The following TNS3 variants were observed in gnomAD, a reference collection of about 807,000 sequenced individuals.
TNS3 encodes the protein tensin-3.
TNS3 carries 45 observed loss-of-function variants against 140.9 expected under a neutral mutation model. The observed-to-expected ratio is 0.32, with a 90% CI of 0.25 to 0.41. The LOEUF (loss-of-function observed/expected upper bound fraction) is 0.41, where lower values mean the gene tolerates loss of function less well. TNS3 is among the 10% of genes least tolerant of loss of function. The probability of loss-of-function intolerance (pLI) is 1.00; values close to 1 mark genes in which losing one functional copy is unlikely to be tolerated. For synonymous variants in TNS3, 815 were observed against 788.4 expected (o/e 1.03, Z -0.56); for missense variants, 1,716 against 1,906.7 (o/e 0.90, Z 1.86).
At chr7:47,558,876 T>G (rs563080279) in intron 1 of TNS3, among the ~76,000 whole-genome samples, 3 of 152,206 alleles carry the variant, frequency 2.0e-5, no homozygotes, top group Non-Finnish European at 4.4e-5. Flanking sequence ...AAGCTTTGCA[T>G]GACCCCCTCG....
At chr7:47,555,426 C>G (rs1800171150) in intron 1 of TNS3, among the ~76,000 whole-genome samples, 1 of 150,080 alleles carries the variant, frequency 6.7e-6, no homozygotes, top group Non-Finnish European at 1.5e-5. Flanking sequence ...AAGAAAGTTA[C>G]ACAAATGTAA....
At position 47,346,412 on chromosome 7, in the gene TNS3, G is replaced by C. The variant is rs555622343; in HGVS notation, c.2282-56C>G. ...GCGCTTCCTCAAGGCGGAGTGAGGC[G>C]CCCCTTCCTTAAATCTTGCCTGCTG... On this transcript the variant is annotated intron_variant, in intron 17 of 30. Transcript: ENST00000311160. 12 of 1,593,426 alleles carry C rather than the reference G, an allele frequency of 7.5e-6. No individual in the cohort carries two copies. In the South Asian group the frequency reaches 1.3e-4, roughly 18 times the overall value.
intron 3 of TNS3, among the ~76,000 whole-genome samples, chr7:47,492,526 C>T (rs1037875898): frequency 1.3e-5 from 2 of 152,232 alleles, no homozygotes; most frequent in Non-Finnish European, 2.9e-5. Context: ...GGAAAACCAC[C>T]TGCCCACCTC....
At chr7:47,420,676 T>C (rs1794328688) in intron 10 of TNS3, among the ~76,000 whole-genome samples, 1 of 152,168 alleles carries the variant, frequency 6.6e-6, no homozygotes, top group Admixed American at 6.5e-5. Context: ...CACTTGACCT[T>C]CATGTGCCCG....
At chr7:47,476,458 G>A (rs970540542) in intron 4 of TNS3, among the ~76,000 whole-genome samples, 14 of 152,192 alleles carry the variant, frequency 9.2e-5, no homozygotes, top group African/African-American at 3.4e-4. Flanking sequence ...GTAGTTACCT[G>A]AACAATGGTG....
intron 1 of TNS3, among the ~76,000 whole-genome samples, chr7:47,531,414 A>T (rs1799399682): frequency 1.3e-5 from 2 of 152,354 alleles, no homozygotes; most frequent in South Asian, 4.1e-4. Flanking sequence ...CCCAAAAAAA[A>T]TCATCACCAG....
chr7:47,312,469 G>A (rs899741225), intron 20 of TNS3, among the ~76,000 whole-genome samples: 2 of 151,816 alleles, frequency 1.3e-5, no homozygotes, highest in African/African-American at 2.4e-5. Flanking sequence ...TTTGGGAGGC[G>A]AGGCAGGCGG....
chr7:47,466,152 GTTCCT>G (rs1796704686), intron 4 of TNS3, among the ~76,000 whole-genome samples: 1 of 151,762 alleles, frequency 6.6e-6, no homozygotes, highest in African/African-American at 2.4e-5. Flanking sequence ...TGTCACTTCA[GTTCCT>G]TTCTTTTTTT....
intron 24 of TNS3, among the ~76,000 whole-genome samples, chr7:47,294,047 G>C (rs1785864421): frequency 6.6e-6 from 1 of 152,216 alleles, no homozygotes; most frequent in Non-Finnish European, 1.5e-5. Context: ...CCAGATACAG[G>C]GCGGGAACCC....
chr7:47,578,237 G>C (rs925545545), intron 1 of TNS3, among the ~76,000 whole-genome samples: 1 of 152,078 alleles, frequency 6.6e-6, no homozygotes, highest in Non-Finnish European at 1.5e-5. Context: ...TTGAACCCAG[G>C]AGGCAGAGAT....
At chr7:47,429,972 T>C (rs1217078790) in intron 8 of TNS3, among the ~76,000 whole-genome samples, 3 of 152,162 alleles carry the variant, frequency 2.0e-5, no homozygotes, top group African/African-American at 7.2e-5. Context: ...AGTATACCTC[T>C]TGCATAAAAC....
intron 16 of TNS3, among the ~76,000 whole-genome samples, chr7:47,391,919 G>A (rs1008856895): frequency 2.6e-5 from 4 of 152,110 alleles, no homozygotes; most frequent in East Asian, 1.9e-4. Flanking sequence ...TGTCCCGCAC[G>A]GTCTCGAGCA....
intron 20 of TNS3, among the ~76,000 whole-genome samples, chr7:47,324,844 A>G (rs921330896): frequency 1.3e-5 from 2 of 152,226 alleles, no homozygotes; most frequent in African/African-American, 4.8e-5. Flanking sequence ...AGAAAAAAAT[A>G]GTGTCTTTTT....
chr7:47,338,684 C>T (rs925235132), intron 20 of TNS3, among the ~76,000 whole-genome samples: 6 of 152,078 alleles, frequency 3.9e-5, no homozygotes, highest in African/African-American at 9.7e-5. Flanking sequence ...TCTTTTTTTA[C>T]GTCTGCGGAG....
At chr7:47,494,647 A>G (rs1797932834) in intron 3 of TNS3, among the ~76,000 whole-genome samples, 1 of 152,174 alleles carries the variant, frequency 6.6e-6, no homozygotes, top group Non-Finnish European at 1.5e-5. Context: ...TTCCAGGGTA[A>G]TTTGGAGTTG....
intron 20 of TNS3, among the ~76,000 whole-genome samples, chr7:47,337,327 G>A (rs187350169): frequency 2.6e-5 from 4 of 152,284 alleles, no homozygotes; most frequent in Admixed American, 1.3e-4. Flanking sequence ...CTATCCTGGT[G>A]GTTGTCTGGA....
Position 47,440,786 on chromosome 7 carries a change from G to A in TNS3, c.-22-1128C>T, listed in dbSNP as rs192362730. ...GGTAAAGCCAGAGGCATGGGTGCAC[G>A]GGACGTGTCCTTAAGTCCCTCCAAA... is the stretch of plus-strand genomic sequence containing the variant. On this transcript the variant is annotated intron_variant, in intron 5 of 30. Transcript: ENST00000311160. 5.9e-5 allele frequency among the ~76,000 whole-genome samples: 9 copies of A among 152,318 alleles called. No homozygotes were observed. In the East Asian group the frequency reaches 1.2e-3, roughly 20 times the overall value.
chr7:47,524,618 A>T (rs34407403), intron 2 of TNS3, among the ~76,000 whole-genome samples: 1 of 149,388 alleles, frequency 6.7e-6, no homozygotes, highest in East Asian at 2.0e-4. Context: ...CTGGCTAACA[A>T]GGTGAAACCC....
chr7:47,335,314 G>C (rs1388666478), intron 20 of TNS3, among the ~76,000 whole-genome samples: 1 of 152,218 alleles, frequency 6.6e-6, no homozygotes, highest in Admixed American at 6.5e-5. Context: ...TAAAGCTGGA[G>C]GCATTACATC....
Sources: gnomAD v4.1 joint callset for allele counts (sites outside exome capture counted in the v4.1 genomes callset) on GRCh38, gnomAD v4.1.1 for gene constraint, MANE v1.5 for transcripts, NCBI Gene and HGNC (gene_info 2026-07-23, HGNC 2026-07-21) for gene names.